Variants in IDO1 observed in about 807,000 individuals in gnomAD.
IDO1 encodes indoleamine 2,3-dioxygenase 1.
A neutral mutation model predicts 38.8 loss-of-function variants in IDO1; 35 were observed. The ratio of observed to expected loss-of-function variants is 0.90; its 90% CI spans 0.69 to 1.20. The LOEUF is 1.20. Among genes scored for constraint, IDO1 ranks in the 50% most tolerant of loss-of-function variants. IDO1 has a pLI of 0.00. For synonymous variants in IDO1, 171 were observed against 170.0 expected, an observed-to-expected ratio of 1.01 and a Z score of -0.05; for missense variants, 509 against 485.1, an observed-to-expected ratio of 1.05 and a Z score of -0.46.
intron 8 of IDO1, 90 bp from the exon 9 acceptor site, chr8:39,925,133 C>A: frequency 6.6e-6 from 8 of 1,205,524 alleles, no homozygotes; most frequent in Non-Finnish European, 9.1e-6. Flanking sequence ...TTGTCACCTT[C>A]TGTTCAGCAC....
At position 39,928,328 on chromosome 8, in the gene IDO1, A is replaced by G; in HGVS notation, c.*143A>G. On this transcript the variant is annotated 3_prime_UTR_variant, in exon 10 of 10. Transcript: ENST00000518237. ...ACAAAAGACCTCAAAATACCTGTGC[A>G]TTTCTTGTAGGAAAACAACAAAAGG... is the stretch of plus-strand genomic sequence containing the variant. 1 of 583,810 alleles carries G rather than the reference A, an allele frequency of 1.7e-6. No homozygotes were observed. Among genetic ancestry groups the G allele is most frequent in the South Asian group, 2.8e-5 (1 of 35,700 alleles). 36.2% of individuals were successfully genotyped at this position (583,810 alleles called of 1,614,324 possible).
chr8:39,924,840 T>A (rs1807335674), intron 8 of IDO1, 68 bp downstream of exon 8: 1 of 1,146,712 alleles, frequency 8.7e-7, no homozygotes, highest in Non-Finnish European at 1.3e-6. Context: ...TTCTCTTGGT[T>A]GGTCCCTAAT....
At chr8:39,922,120 C>G (rs750725975) in intron 5 of IDO1, among the ~76,000 whole-genome samples, 1 of 152,312 alleles carries the variant, frequency 6.6e-6, no homozygotes, top group Non-Finnish European at 1.5e-5. Flanking sequence ...CCTGCCTCAG[C>G]CTCCCGAGTA....
intron 6 of IDO1, chr8:39,922,917 A>G (rs978506716): frequency 8.9e-6 from 4 of 449,520 alleles, no homozygotes; most frequent in African/African-American, 6.0e-5. Context: ...ACTATGATAC[A>G]GTGTCATAAA....
intron 1 of IDO1, 56 bp from the exon 2 acceptor site, chr8:39,917,819 A>C: frequency 8.4e-7 from 1 of 1,192,852 alleles, no homozygotes. Flanking sequence ...TATCAGTGGG[A>C]AGCCAAATCT....
At chr8:39,924,242 T>G (rs751989017) in intron 7 of IDO1, among the ~76,000 whole-genome samples, 4 of 152,042 alleles carry the variant, frequency 2.6e-5, no homozygotes, top group Non-Finnish European at 4.4e-5. Flanking sequence ...GGCTCATATG[T>G]GTAGTTTCCA....
chr8:39,918,412 T>A, intron 3 of IDO1: 1 of 562,332 alleles, frequency 1.8e-6, no homozygotes, highest in Non-Finnish European at 3.1e-6. Context: ...TCATTTTTCA[T>A]CCTGTATTTT....
chr8:39,918,994 G>C (rs773996192), intron 4 of IDO1, 61 bp downstream of exon 4: 6 of 1,026,848 alleles, frequency 5.8e-6, no homozygotes, highest in Non-Finnish European at 9.3e-6. Flanking sequence ...ATAAAACAGG[G>C]GTTGTTCATT....
intron 1 of IDO1, among the ~76,000 whole-genome samples, chr8:39,915,989 C>T (rs1425221417): frequency 6.6e-6 from 1 of 151,588 alleles, no homozygotes; most frequent in Admixed American, 6.6e-5. Flanking sequence ...TGTGGTGAAA[C>T]CCCGTCTCTA....
At chr8:39,919,324 T>G (rs1347178464) in intron 4 of IDO1, among the ~76,000 whole-genome samples, 1 of 152,178 alleles carries the variant, frequency 6.6e-6, no homozygotes, top group African/African-American at 2.4e-5. Context: ...AATTAGATGA[T>G]TTTTGTTATT....
chr8:39,924,322 A>C (rs58379169), intron 7 of IDO1, among the ~76,000 whole-genome samples: 1,532 of 152,198 alleles, frequency 0.01, 23 homozygotes, highest in African/African-American at 0.034. Context: ...GCTATGATCA[A>C]TACATTCCAG....
rs114529262 is a variant in IDO1, at chr8:39,927,658, G to A, written c.857-172G>A. Among the ~76,000 whole-genome samples the A allele has an allele frequency of 2.1e-3, 311 of 151,648 alleles. 1 individual carries two copies. The highest frequency in any genetic ancestry group is 6.9e-3 in the African/African-American group (284 of 41,324). On this transcript the variant is annotated intron_variant, in intron 9 of 9. Transcript: ENST00000518237. ...ATTAATAATATTTTACAATAATTACGATTGCTAGTAGCAAGACTAATAGCC... is the reference window on the plus strand; with the variant it reads ...ATTAATAATATTTTACAATAATTACAATTGCTAGTAGCAAGACTAATAGCC...
Position 39,924,730 on chromosome 8 carries a change from A to G in IDO1, c.665A>G (p.Asn222Ser). 3.1e-6 allele frequency: 5 copies of G among 1,607,258 alleles called. No homozygotes were observed. The Middle Eastern group carries it at 8.3e-4, about 266-fold the overall frequency. Residue 222 changes from asparagine (N) to serine (S), a missense_variant, in exon 8 of 10, where the codon AAC (asparagine) becomes AGC (serine). Coordinates refer to ENST00000518237, the MANE Select transcript of IDO1 (RefSeq NM_002164.6). ...TTCCATCTTTTTACAGATCATGTGA[A>G]CCCAAAAGCATTTTTCAGTGTTCTT... ...QVFHQIHDHV[N>S]PKAFFSVLRI... is the part of the protein sequence containing the mutation.
intron 3 of IDO1, 158 bp downstream of exon 3, chr8:39,918,365 T>A: frequency 1.6e-6 from 1 of 634,038 alleles, no homozygotes; most frequent in Non-Finnish European, 2.7e-6. Flanking sequence ...GCTTGACATG[T>A]CCACTGTTAT....
At chr8:39,927,538 C>T (rs902729725) in intron 9 of IDO1, among the ~76,000 whole-genome samples, 3 of 145,034 alleles carry the variant, frequency 2.1e-5, no homozygotes, top group South Asian at 2.2e-4. Flanking sequence ...CCAGCCTGGC[C>T]GACAGAGCGA....
intron 1 of IDO1, among the ~76,000 whole-genome samples, chr8:39,915,177 A>C (rs983855464): frequency 1.3e-5 from 2 of 152,204 alleles, no homozygotes; most frequent in Non-Finnish European, 2.9e-5. Flanking sequence ...GAGCCTAAGC[A>C]GCCTGTCTCC....
In IDO1 at chr8:39,922,532, TCCTTATCCAATTTC is replaced by T; in HGVS notation, c.438-18_438-5del. 1.3e-6 allele frequency: 2 copies of T among 1,546,948 alleles called. No homozygotes were observed. The highest frequency in any genetic ancestry group is 8.9e-7 in the Non-Finnish European group (1 of 1,119,444). The stretch of plus-strand genomic sequence containing the variant: ...ATAATTTTTGCTAAACTTCTTGCCT[TCCTTATCCAATTTC>T]CTCAGGAACATGGACGTTTTGTTCT... On this transcript the variant is annotated splice_polypyrimidine_tract_variant and splice_region_variant and intron_variant, in intron 5 of 9. Transcript: ENST00000518237.
chr8:39,922,963 CAT>C (rs1450142009), intron 6 of IDO1: 1 of 310,894 alleles, frequency 3.2e-6, no homozygotes, highest in African/African-American at 2.2e-5. Context: ...AGAAATGAAA[CAT>C]ATACAACTAT....
chr8:39,914,099 A>G, intron 1 of IDO1, 90 bp downstream of exon 1: 1 of 824,006 alleles, frequency 1.2e-6, no homozygotes, highest in South Asian at 1.5e-5. Context: ...ACTGTGGTTC[A>G]GTAACTTCTA....
Sources: gnomAD v4.1 joint callset for allele counts (sites outside exome capture counted in the v4.1 genomes callset) on GRCh38, gnomAD v4.1.1 for gene constraint, MANE v1.5 for transcripts, NCBI Gene and HGNC (gene_info 2026-07-23, HGNC 2026-07-21) for gene names.